Variants in OCA2 observed in about 807,000 individuals in gnomAD.
OCA2 encodes the protein P protein.
A neutral mutation model predicts 100.2 loss-of-function variants in OCA2; 77 were observed. The ratio of observed to expected loss-of-function variants is 0.77; its 90% confidence interval spans 0.64 to 0.93. The LOEUF is 0.93. OCA2 is among the 40% of genes least tolerant of loss of function. The pLI is 0.00. For synonymous variants in OCA2, 432 were observed against 439.2 expected (o/e 0.98, Z 0.21); for missense variants, 1,062 against 1,089.1 (o/e 0.98, Z 0.35).
intron 9 of OCA2, among the ~76,000 whole-genome samples, chr15:28,004,855 A>T (rs1566786529): frequency 6.6e-6 from 1 of 152,174 alleles, no homozygotes; most frequent in East Asian, 1.9e-4. Context: ...ACACAGTCAC[A>T]CACTCACATG....
chr15:28,087,047 A>G (rs902040557), intron 1 of OCA2, among the ~76,000 whole-genome samples: 1 of 152,210 alleles, frequency 6.6e-6, no homozygotes, highest in Non-Finnish European at 1.5e-5. Flanking sequence ...AACTTCCTAA[A>G]TGTGGCAAAA....
intron 18 of OCA2, among the ~76,000 whole-genome samples, chr15:27,931,498 C>A (rs1287930161): frequency 1.3e-5 from 2 of 152,000 alleles, no homozygotes; most frequent in African/African-American, 2.4e-5. Flanking sequence ...CCACACCTGG[C>A]TAATTTTTTG....
At chr15:28,074,003 G>GACACACAC (rs10534274) in intron 2 of OCA2, among the ~76,000 whole-genome samples, 2 of 146,238 alleles carry the variant, frequency 1.4e-5, no homozygotes, top group African/African-American at 2.5e-5. Flanking sequence ...ATGACAGACA[G>GACACACAC]ACACACACAC....
chr15:27,832,906 G>A (rs892218066), intron 23 of OCA2, among the ~76,000 whole-genome samples: 2 of 142,004 alleles, frequency 1.4e-5, no homozygotes, highest in African/African-American at 2.6e-5. Flanking sequence ...TCTGTTTCCC[G>A]GGTTCAAGTG....
chr15:28,089,663 G>A (rs1258494565), intron 1 of OCA2, among the ~76,000 whole-genome samples: 1 of 152,162 alleles, frequency 6.6e-6, no homozygotes, highest in Non-Finnish European at 1.5e-5. Flanking sequence ...ACTAAAAGAC[G>A]GATTGGCAGA....
intron 11 of OCA2, among the ~76,000 whole-genome samples, 200 bp downstream of exon 11, chr15:27,989,401 G>A (rs1196583891): frequency 1.3e-5 from 2 of 152,080 alleles, no homozygotes; most frequent in Non-Finnish European, 2.9e-5. Context: ...GACACGCCTT[G>A]GGCTGAAATT....
chr15:27,926,307 T>C, intron 18 of OCA2, 53 bp from the exon 19 acceptor site: 1 of 1,601,238 alleles, frequency 6.2e-7, no homozygotes, highest in Non-Finnish European at 8.6e-7. Flanking sequence ...AACACACCGA[T>C]TCATTTCTTT....
intron 19 of OCA2, among the ~76,000 whole-genome samples, chr15:27,907,014 C>T (rs2038203985): frequency 6.6e-6 from 1 of 152,172 alleles, no homozygotes; most frequent in Non-Finnish European, 1.5e-5. Context: ...GAACTCATTA[C>T]CACAAAGATG....
intron 2 of OCA2, among the ~76,000 whole-genome samples, chr15:28,039,836 C>T (rs1047021370): frequency 3.9e-5 from 6 of 152,270 alleles, no homozygotes; most frequent in South Asian, 2.1e-4. Flanking sequence ...AGTTCAAGAT[C>T]AGCCTGGCCA....
chr15:27,735,470 T>C, the OCA2 span, among the ~76,000 whole-genome samples: 3,792 of 152,076 alleles, frequency 0.025, 164 homozygotes, highest in African/African-American at 0.087. Context: ...GGAAAACTTT[T>C]CAAACCTAGA....
chr15:27,783,603 A>G (rs2151097057), intron 23 of OCA2, among the ~76,000 whole-genome samples: 1 of 152,216 alleles, frequency 6.6e-6, no homozygotes, highest in East Asian at 1.9e-4. Context: ...TACCCCAGAC[A>G]CCACTATGAA....
At chr15:27,970,509 C>T (rs565515308) in intron 14 of OCA2, among the ~76,000 whole-genome samples, 2 of 152,116 alleles carry the variant, frequency 1.3e-5, no homozygotes, top group Non-Finnish European at 2.9e-5. Context: ...GAAGAAGGTC[C>T]CAGCACACAC....
intron 2 of OCA2, among the ~76,000 whole-genome samples, chr15:28,052,049 C>T (rs1295715041): frequency 6.6e-6 from 1 of 152,152 alleles, no homozygotes; most frequent in African/African-American, 2.4e-5. Context: ...AGTGACCCCC[C>T]TCAGGAACCA....
chr15:27,972,454 A>T (rs897694319), intron 14 of OCA2, among the ~76,000 whole-genome samples: 9 of 152,362 alleles, frequency 5.9e-5, no homozygotes, highest in Non-Finnish European at 1.2e-4. Flanking sequence ...GTATTAATTT[A>T]CATTCAAACC....
intron 19 of OCA2, among the ~76,000 whole-genome samples, chr15:27,883,728 G>C (rs950796549): frequency 6.6e-6 from 1 of 152,206 alleles, no homozygotes; most frequent in Admixed American, 6.5e-5. Flanking sequence ...TATCTCAGAA[G>C]TCAGGTAGAC....
chr15:27,914,998 T>C lies in OCA2; in HGVS notation c.2079+11129A>G, dbSNP rs2038609917. On this transcript the variant is annotated intron_variant, in intron 19 of 23. Coordinates refer to ENST00000354638, the MANE Select transcript of OCA2 (RefSeq NM_000275.3). ...ACTACAGTTAACCAAAACATCATGG[T>C]AGTGGTACAAAAACAGACACATGGA... Among the ~76,000 whole-genome samples the C allele has an allele frequency of 6.6e-5, 10 of 152,124 alleles. 1 individual carries two copies. In the South Asian group the frequency reaches 2.1e-3, roughly 31 times the overall value.
chr15:28,086,835 GA>G (rs1290483683), intron 1 of OCA2, among the ~76,000 whole-genome samples: 1 of 152,080 alleles, frequency 6.6e-6, no homozygotes, highest in East Asian at 1.9e-4. Flanking sequence ...AGGGGACAGA[GA>G]AAAGAATCAA....
intron 19 of OCA2, among the ~76,000 whole-genome samples, chr15:27,872,551 A>G (rs185194835): frequency 2.0e-5 from 3 of 152,348 alleles, no homozygotes; most frequent in Admixed American, 6.5e-5. Flanking sequence ...GTGAGAGGTC[A>G]CCGGAAAGCA....
intron 15 of OCA2, among the ~76,000 whole-genome samples, chr15:27,960,542 A>T (rs2040372737): frequency 6.6e-6 from 1 of 152,162 alleles, no homozygotes; most frequent in Non-Finnish European, 1.5e-5. Context: ...CTTTAACTAC[A>T]GTCACTTGCT....
Sources: allele counts gnomAD v4.1 joint callset (sites outside exome capture counted in the v4.1 genomes callset), GRCh38; gene constraint gnomAD v4.1.1; transcripts MANE v1.5; gene names NCBI Gene and HGNC (gene_info 2026-07-23, HGNC 2026-07-21).